Variants in RGS6 observed in about 807,000 individuals in gnomAD.
RGS6 encodes regulator of G protein signaling 6.
In RGS6, 30 loss-of-function variants were observed where a neutral mutation model predicts 78.5. The observed-to-expected ratio is 0.38, with a 90% CI of 0.29 to 0.52. The LOEUF is 0.52. RGS6 is among the 20% of genes least tolerant of loss of function. The probability of loss-of-function intolerance (pLI) is 0.85; values close to 1 mark genes in which losing one functional copy is unlikely to be tolerated. For synonymous variants in RGS6, 206 were observed against 206.0 expected (o/e 1.00, Z 0.00); for missense variants, 495 against 609.7 (o/e 0.81, Z 1.98).
chr14:72,128,614 G>A (rs991765838), intron 2 of RGS6, among the ~76,000 whole-genome samples: 5 of 151,872 alleles, frequency 3.3e-5, no homozygotes, highest in African/African-American at 7.3e-5. Context: ...TTATGCCCTT[G>A]GTGTCTCTGA....
At chr14:72,172,521 C>T (rs928880840) in intron 2 of RGS6, among the ~76,000 whole-genome samples, 12 of 151,994 alleles carry the variant, frequency 7.9e-5, no homozygotes, top group Non-Finnish European at 1.5e-4. Flanking sequence ...ACGTATGCAT[C>T]CTCCCCCCAG....
chr14:72,323,108 A>G (rs2072559490), intron 2 of RGS6, among the ~76,000 whole-genome samples: 1 of 152,168 alleles, frequency 6.6e-6, no homozygotes, highest in South Asian at 2.1e-4. Context: ...ATTATCATAT[A>G]TGCAGATGAT....
intron 2 of RGS6, among the ~76,000 whole-genome samples, chr14:72,023,258 G>A (rs1399649087): frequency 1.3e-5 from 2 of 152,188 alleles, no homozygotes; most frequent in Non-Finnish European, 2.9e-5. Context: ...AATATATTTG[G>A]TGGAGCTCCT....
chr14:72,387,114 T>C (rs2088349999), intron 3 of RGS6, among the ~76,000 whole-genome samples: 6 of 152,170 alleles, frequency 3.9e-5, no homozygotes, highest in Admixed American at 3.9e-4. Flanking sequence ...AGAAAAAATA[T>C]GTATTTTGTA....
chr14:72,567,888 G>A (rs1475325919), downstream of RGS6, among the ~76,000 whole-genome samples: 4 of 152,348 alleles, frequency 2.6e-5, no homozygotes, highest in South Asian at 8.3e-4. Context: ...GACACCTGCA[G>A]CTGGGCCCGT....
intron 17 of RGS6, among the ~76,000 whole-genome samples, chr14:72,558,653 G>T (rs2097622309): frequency 6.6e-6 from 1 of 152,188 alleles, no homozygotes; most frequent in Non-Finnish European, 1.5e-5. Flanking sequence ...TGGCCACAGA[G>T]CTGAAATGAT....
intron 3 of RGS6, among the ~76,000 whole-genome samples, chr14:72,400,124 A>C (rs573818654): frequency 5.9e-5 from 9 of 152,354 alleles, no homozygotes; most frequent in African/African-American, 2.2e-4. Flanking sequence ...AAAAATGTTA[A>C]GGCAGCCAGA....
intron 2 of RGS6, among the ~76,000 whole-genome samples, chr14:72,251,524 A>G (rs1018539772): frequency 6.6e-6 from 1 of 152,214 alleles, no homozygotes; most frequent in African/African-American, 2.4e-5. Context: ...AGTGGTCAGC[A>G]TGCCAAAGCA....
At chr14:72,617,227 T>C in the RGS6 span, among the ~76,000 whole-genome samples, 1 of 152,136 alleles carries the variant, frequency 6.6e-6, no homozygotes, top group Non-Finnish European at 1.5e-5. Flanking sequence ...CAGTTTGGGG[T>C]TTCGGACTTG....
chr14:72,624,333 C>CTTTTTTTTTTTTTTTTTTTT, the RGS6 span, among the ~76,000 whole-genome samples: 7 of 97,794 alleles, frequency 7.2e-5, no homozygotes, highest in African/African-American at 2.3e-4. Context: ...ACCTATGTCT[C>CTTTTTTTTTTTTTTTTTTTT]TTTTTTTTTT....
intron 13 of RGS6, among the ~76,000 whole-genome samples, chr14:72,498,742 G>C (rs566102416): frequency 2.8e-4 from 42 of 152,226 alleles, no homozygotes; most frequent in African/African-American, 1.0e-3. Flanking sequence ...CGCATACTGG[G>C]GTGGCTCTGG....
intron 1 of RGS6, among the ~76,000 whole-genome samples, chr14:71,959,657 G>A (rs1158354512): frequency 1.3e-5 from 2 of 152,106 alleles, no homozygotes; most frequent in African/African-American, 2.4e-5. Context: ...GACCGCTGAA[G>A]GCTTCATCTC....
At chr14:72,030,487 A>G (rs2090673404) in intron 2 of RGS6, among the ~76,000 whole-genome samples, 1 of 152,220 alleles carries the variant, frequency 6.6e-6, no homozygotes, top group Admixed American at 6.5e-5. Flanking sequence ...ATGGTTGATT[A>G]TGGTATGAGT....
At chr14:72,167,859 C>G (rs1283872162) in intron 2 of RGS6, among the ~76,000 whole-genome samples, 1 of 152,036 alleles carries the variant, frequency 6.6e-6, no homozygotes, top group Non-Finnish European at 1.5e-5. Context: ...TAATGAGCAG[C>G]CTCTGTACAG....
chr14:71,927,860 G>A (rs1442279862), upstream of RGS6, among the ~76,000 whole-genome samples: 2 of 151,596 alleles, frequency 1.3e-5, no homozygotes, highest in African/African-American at 4.8e-5. Context: ...GGGTTTCACC[G>A]TGTTAGCCAG....
chr14:72,326,294 G>C (rs1315396909), intron 2 of RGS6, among the ~76,000 whole-genome samples: 1 of 152,140 alleles, frequency 6.6e-6, no homozygotes, highest in South Asian at 2.1e-4. Flanking sequence ...ATTGTAAAAT[G>C]GCAATAGTAA....
intron 2 of RGS6, among the ~76,000 whole-genome samples, chr14:72,323,772 G>T (rs970449991): frequency 2.8e-5 from 3 of 108,390 alleles, no homozygotes; most frequent in African/African-American, 1.1e-4. Context: ...CTGCACTCCA[G>T]CCTGGGTGAC....
chr14:71,937,247 G>A (rs2089610284), intron 1 of RGS6, among the ~76,000 whole-genome samples: 1 of 152,132 alleles, frequency 6.6e-6, no homozygotes, highest in Admixed American at 6.5e-5. Context: ...CCAGTTTAAT[G>A]GAATCGTTGT....
At chr14:71,932,262 G>A (rs1033057370), upstream of RGS6, among the ~76,000 whole-genome samples, 2 of 151,754 alleles carry the variant, frequency 1.3e-5, no homozygotes, top group Non-Finnish European at 1.5e-5. Context: ...CCCGCGGGAC[G>A]CGCTCAGGTG....
Sources: gnomAD v4.1 joint callset for allele counts (sites outside exome capture counted in the v4.1 genomes callset) on GRCh38, gnomAD v4.1.1 for gene constraint, MANE v1.5 for transcripts, NCBI Gene and HGNC (gene_info 2026-07-23, HGNC 2026-07-21) for gene names.